The following DGKB variants were observed in gnomAD, a reference collection of about 807,000 sequenced individuals.
DGKB encodes the protein diacylglycerol kinase beta, also known as 90 kDa diacylglycerol kinase.
Under a neutral mutation model 114.3 loss-of-function variants are expected in DGKB, and 67 were observed. That is an observed-to-expected ratio of 0.59 (90% CI 0.48 to 0.72). The LOEUF is 0.72. Ranked by LOEUF, DGKB falls within the 30% of genes least tolerant of loss-of-function variation. The pLI is 0.00. For missense variants in DGKB, 907 were observed against 975.2 expected (o/e 0.93, Z 0.93); for synonymous variants, 398 against 323.1 (o/e 1.23, Z -2.49).
At chr7:14,567,524 TTATAATTATA>T (rs1321438397) in intron 20 of DGKB, among the ~76,000 whole-genome samples, 78 of 86,984 alleles carry the variant, frequency 9.0e-4, no homozygotes, top group South Asian at 1.7e-3. Flanking sequence ...TATTTATATA[TTATAATTATA>T]TATAATTATA....
intron 2 of DGKB, among the ~76,000 whole-genome samples, chr7:14,771,533 G>C (rs1028586674): frequency 6.6e-6 from 1 of 152,038 alleles, no homozygotes; most frequent in Admixed American, 6.6e-5. Context: ...TGAGGACAAA[G>C]CTCTGATTTT....
intron 5 of DGKB, among the ~76,000 whole-genome samples, chr7:14,723,897 C>T (rs1829637408): frequency 6.6e-6 from 1 of 152,084 alleles, no homozygotes. Context: ...TTTCTTGAAA[C>T]AATAACCTCA....
chr7:14,381,115 G>A (rs182240149), intron 21 of DGKB, among the ~76,000 whole-genome samples: 75 of 152,264 alleles, frequency 4.9e-4, no homozygotes, highest in African/African-American at 1.7e-3. Context: ...TCAGGGGCTC[G>A]TTCTCTCTGT....
chr7:14,781,975 A>C (rs1039099761), intron 2 of DGKB, among the ~76,000 whole-genome samples: 1 of 152,132 alleles, frequency 6.6e-6, no homozygotes, highest in African/African-American at 2.4e-5. Flanking sequence ...TATTTAGCAC[A>C]ATATCTGGCC....
intron 2 of DGKB, among the ~76,000 whole-genome samples, chr7:14,771,719 G>A (rs1442563308): frequency 6.6e-6 from 1 of 152,010 alleles, no homozygotes. Flanking sequence ...ATATTTCCCT[G>A]CCATACCTTG....
chr7:14,716,735 G>A (rs1346511571), intron 6 of DGKB, among the ~76,000 whole-genome samples: 1 of 152,064 alleles, frequency 6.6e-6, no homozygotes, highest in Non-Finnish European at 1.5e-5. Context: ...ACAGGAAAGA[G>A]CCAGGCATTG....
At chr7:14,322,071 G>A (rs140037904) in intron 23 of DGKB, among the ~76,000 whole-genome samples, 185 of 152,272 alleles carry the variant, frequency 1.2e-3, no homozygotes, top group African/African-American at 4.2e-3. Context: ...TAGTACTGGC[G>A]TAAGGACTGA....
intron 2 of DGKB, among the ~76,000 whole-genome samples, chr7:14,799,379 C>T (rs753239202): frequency 3.3e-5 from 5 of 152,206 alleles, no homozygotes; most frequent in African/African-American, 4.8e-5. Context: ...CTAGAAGATA[C>T]CACAGCATTC....
chr7:14,743,889 G>A (rs188019768), intron 4 of DGKB, among the ~76,000 whole-genome samples: 2 of 152,206 alleles, frequency 1.3e-5, no homozygotes, highest in East Asian at 3.9e-4. Context: ...TTTGATGGGT[G>A]TTCTCCAATA....
intron 15 of DGKB, among the ~76,000 whole-genome samples, chr7:14,617,079 A>T (rs1806678318): frequency 6.6e-6 from 1 of 151,664 alleles, no homozygotes; most frequent in Admixed American, 6.6e-5. Context: ...TCCCAGTTCA[A>T]TCACTTCTCT....
At chr7:14,423,881 T>C (rs1393951296) in intron 21 of DGKB, among the ~76,000 whole-genome samples, 3 of 152,082 alleles carry the variant, frequency 2.0e-5, no homozygotes, top group African/African-American at 7.2e-5. Context: ...TCTATTCTTG[T>C]AGTTGCTCAG....
At chr7:14,586,337 C>G (rs1800759345) in intron 17 of DGKB, among the ~76,000 whole-genome samples, 1 of 147,518 alleles carries the variant, frequency 6.8e-6, no homozygotes, top group African/African-American at 2.5e-5. Flanking sequence ...AAGTCCAGAG[C>G]AAGCCCCTAA....
chr7:14,289,061 G>C (rs1801330588), intron 23 of DGKB, among the ~76,000 whole-genome samples: 1 of 152,144 alleles, frequency 6.6e-6, no homozygotes, highest in African/African-American at 2.4e-5. Context: ...TGTAAGAACA[G>C]ATTTCTCCTA....
intron 21 of DGKB, among the ~76,000 whole-genome samples, chr7:14,356,918 T>A (rs975827131): frequency 2.0e-5 from 3 of 152,160 alleles, no homozygotes; most frequent in African/African-American, 7.2e-5. Context: ...TTTGAGTGAG[T>A]TTCTTAATCC....
intron 21 of DGKB, among the ~76,000 whole-genome samples, chr7:14,438,340 A>C (rs2128806771): frequency 6.6e-6 from 1 of 152,252 alleles, no homozygotes; most frequent in African/African-American, 2.4e-5. Flanking sequence ...TAACAGTGCT[A>C]CCAAGCACGT....
At chr7:14,914,934 A>T (rs1309614798) in intron 1 of DGKB, among the ~76,000 whole-genome samples, 1 of 152,168 alleles carries the variant, frequency 6.6e-6, no homozygotes, top group African/African-American at 2.4e-5. Context: ...GAGAGAATCA[A>T]TGAGCTTGAA....
intron 2 of DGKB, among the ~76,000 whole-genome samples, chr7:14,801,030 T>C (rs558657309): frequency 2.3e-4 from 35 of 152,304 alleles, no homozygotes; most frequent in Non-Finnish European, 4.1e-4. Flanking sequence ...AAAAAAGGAC[T>C]GTAATGGTCA....
intron 13 of DGKB, among the ~76,000 whole-genome samples, chr7:14,657,028 C>T (rs1585404295): frequency 6.6e-6 from 1 of 151,732 alleles, no homozygotes; most frequent in African/African-American, 2.4e-5. Flanking sequence ...GTTGGTTAAC[C>T]TCCCAAGGGT....
At chr7:14,446,025 T>C (rs1483338950) in intron 21 of DGKB, among the ~76,000 whole-genome samples, 2 of 152,116 alleles carry the variant, frequency 1.3e-5, no homozygotes, top group African/African-American at 2.4e-5. Context: ...GGAAAACCCG[T>C]GCTTTCTTGA....
Sources: allele counts gnomAD v4.1 joint callset (sites outside exome capture counted in the v4.1 genomes callset), GRCh38; gene constraint gnomAD v4.1.1; transcripts MANE v1.5; gene names NCBI Gene and HGNC (gene_info 2026-07-23, HGNC 2026-07-21).